The following TCF7 variants were observed in gnomAD, a reference collection of about 807,000 sequenced individuals.
TCF7 encodes T-cell-factor-7.
A neutral mutation model predicts 46.8 loss-of-function variants in TCF7; 19 were observed. The observed-to-expected ratio is 0.41, with a 90% CI of 0.28 to 0.60. TCF7 has a LOEUF of 0.60. TCF7 is among the 20% of genes least tolerant of loss of function. TCF7 has a pLI of 0.35. For missense variants in TCF7, 547 were observed against 504.6 expected, an observed-to-expected ratio of 1.08 and a Z score of -0.81; for synonymous variants, 245 against 213.4, an observed-to-expected ratio of 1.15 and a Z score of -1.29.
At chr5:134,134,470 C>G (rs1194022843) in intron 3 of TCF7, among the ~76,000 whole-genome samples, 1 of 152,248 alleles carries the variant, frequency 6.6e-6, no homozygotes, top group African/African-American at 2.4e-5. Flanking sequence ...CCCTGAGGCT[C>G]AGTCTCCGTG....
chr5:134,120,278 G>T (rs1561653466), intron 3 of TCF7, among the ~76,000 whole-genome samples: 1 of 152,124 alleles, frequency 6.6e-6, no homozygotes, highest in Non-Finnish European at 1.5e-5. Flanking sequence ...GCGTCCAGGG[G>T]ACCCCTCCCT....
chr5:134,131,356 A>G (rs1758099170), intron 3 of TCF7, among the ~76,000 whole-genome samples: 1 of 152,340 alleles, frequency 6.6e-6, no homozygotes, highest in East Asian at 1.9e-4. Context: ...CGTGGCATTT[A>G]TGTTACTCAG....
the TCF7 span, among the ~76,000 whole-genome samples, chr5:134,109,568 G>A: frequency 3.3e-5 from 5 of 152,094 alleles, no homozygotes; most frequent in African/African-American, 7.2e-5. Flanking sequence ...TCAGGAGTTC[G>A]AGACCAGCAT....
chr5:134,126,692 T>A (rs1580828839), intron 3 of TCF7, among the ~76,000 whole-genome samples: 1 of 151,762 alleles, frequency 6.6e-6, no homozygotes, highest in South Asian at 2.1e-4. Flanking sequence ...AGGTCAGGAG[T>A]TTGAGACCAG....
chr5:134,142,073 T>A, intron 5 of TCF7, 112 bp from the exon 6 acceptor site: 2 of 1,465,132 alleles, frequency 1.4e-6, no homozygotes, highest in South Asian at 2.5e-5. Flanking sequence ...GGATAGAGTA[T>A]CTATCTGTTC....
Position 134,146,524 on chromosome 5 carries a change from G to C in TCF7, c.*221G>C, listed in dbSNP as rs141726972. ...AATCTCAGAGACAGGTGGCCTAGCA[G>C]GCACAGGACACCTGGCCGCCTCCAG... On this transcript the variant is annotated 3_prime_UTR_variant, in exon 10 of 10. Coordinates refer to ENST00000342854, the MANE Select transcript of TCF7 (RefSeq NM_003202.5). 1.6e-3 allele frequency: 1,179 copies of C among 726,496 alleles called. 8 individuals are homozygous for C. In the African/African-American group the frequency reaches 0.018, roughly 11 times the overall value. 45.0% of individuals were successfully genotyped at this position (726,496 alleles called of 1,614,324 possible). A position where few individuals can be genotyped will look rare whatever the true frequency, so the allele number is the denominator to read the frequency against.
At chr5:134,117,048 T>C (rs1396458024) in intron 3 of TCF7, among the ~76,000 whole-genome samples, 1 of 152,252 alleles carries the variant, frequency 6.6e-6, no homozygotes, top group Non-Finnish European at 1.5e-5. Flanking sequence ...TGAGAGCTGC[T>C]GCATGCCAAG....
chr5:134,141,482 T>C (rs1561692347), intron 5 of TCF7: 1 of 152,294 alleles, frequency 6.6e-6, no homozygotes, highest in Non-Finnish European at 1.5e-5. Flanking sequence ...GTATAGCAAG[T>C]GTAGACATGG....
the TCF7 span, among the ~76,000 whole-genome samples, chr5:134,108,713 G>A: frequency 6.6e-6 from 1 of 152,128 alleles, no homozygotes; most frequent in Non-Finnish European, 1.5e-5. Context: ...GTCCTAGGTG[G>A]CAGGGGTTGG....
intron 3 of TCF7, among the ~76,000 whole-genome samples, chr5:134,125,411 C>T (rs1445628220): frequency 2.0e-5 from 3 of 152,224 alleles, no homozygotes; most frequent in Non-Finnish European, 4.4e-5. Context: ...ACCTCCCTTG[C>T]CAGGGAGCCC....
chr5:134,135,422 C>A (rs1758726006), intron 3 of TCF7, among the ~76,000 whole-genome samples: 2 of 152,166 alleles, frequency 1.3e-5, no homozygotes, highest in South Asian at 4.2e-4. Context: ...TGCAGTCATC[C>A]AGGTGCAAAG....
the TCF7 span, among the ~76,000 whole-genome samples, chr5:134,109,167 T>C: frequency 9.2e-5 from 14 of 152,304 alleles, no homozygotes; most frequent in African/African-American, 2.6e-4. Flanking sequence ...ATCCAAAAAC[T>C]TCTGAGCACC....
In TCF7 at chr5:134,139,023, C is replaced by T. The variant is rs1394627537; in HGVS notation, c.620C>T (p.Pro207Leu). ...SLTSGSMGQLPHTVSWFTHPS... is the reference protein window; with the variant it reads ...SLTSGSMGQLLHTVSWFTHPS... ...ACCTCAGGCAGCATGGGGCAGCTCCCCCACACTGTGAGCTGGTGAGTGTGG... is the reference window on the plus strand; with the variant it reads ...ACCTCAGGCAGCATGGGGCAGCTCCTCCACACTGTGAGCTGGTGAGTGTGG... The change falls in exon 5 of 10, where the codon CCC becomes CTC. Residue 207 changes from proline (P) to leucine (L), a missense_variant. Coordinates refer to ENST00000342854, the MANE Select transcript of TCF7 (RefSeq NM_003202.5). 1 of 1,613,886 alleles carries T rather than the reference C, an allele frequency of 6.2e-7. No homozygotes were observed. The highest frequency in any genetic ancestry group is 8.5e-7 in the Non-Finnish European group (1 of 1,180,004).
chr5:134,121,623 A>G (rs868600392), intron 3 of TCF7, among the ~76,000 whole-genome samples: 1 of 149,558 alleles, frequency 6.7e-6, no homozygotes, highest in African/African-American at 2.5e-5. Flanking sequence ...CCTCATGGCC[A>G]TCAGCCTGGG....
At chr5:134,136,549 T>TGGCAGGTGTGGGAGCCTGTGCCC (rs1439239157) in intron 3 of TCF7, among the ~76,000 whole-genome samples, 1 of 152,134 alleles carries the variant, frequency 6.6e-6, no homozygotes, top group Non-Finnish European at 1.5e-5. Flanking sequence ...GGGCTGTTGC[T>TGGCAGGTGTGGGAGCCTGTGCCC]GGCAGGTGTG....
chr5:134,115,724 G>A, intron 2 of TCF7, 185 bp from the exon 3 acceptor site: 4 of 1,435,446 alleles, frequency 2.8e-6, no homozygotes, highest in Non-Finnish European at 3.6e-6. Flanking sequence ...GGGCCACCTC[G>A]GGGAGGCCTG....
chr5:134,109,951 C>A (rs889161776), upstream of TCF7, among the ~76,000 whole-genome samples: 1 of 152,198 alleles, frequency 6.6e-6, no homozygotes, highest in African/African-American at 2.4e-5. Context: ...AGCCTAGGAC[C>A]TGGCACACAG....
chr5:134,125,184 G>C (rs970698903), intron 3 of TCF7, among the ~76,000 whole-genome samples: 1 of 152,224 alleles, frequency 6.6e-6, no homozygotes, highest in Non-Finnish European at 1.5e-5. Context: ...AGTCTAGGCC[G>C]AGGGATTCTG....
chr5:134,125,620 A>G (rs1477766469), intron 3 of TCF7, among the ~76,000 whole-genome samples: 1 of 152,236 alleles, frequency 6.6e-6, no homozygotes. Context: ...CAGGCTTGTC[A>G]TGCCTGGAAT....
Sources: allele counts gnomAD v4.1 joint callset (sites outside exome capture counted in the v4.1 genomes callset), GRCh38; gene constraint gnomAD v4.1.1; transcripts MANE v1.5; gene names NCBI Gene and HGNC (gene_info 2026-07-23, HGNC 2026-07-21).